PLXNA2: variants seen among roughly 807,000 people sequenced by gnomAD.
PLXNA2 encodes plexin A2.
In PLXNA2, 91 loss-of-function variants were observed where a neutral mutation model predicts 193.5. The observed-to-expected ratio is 0.47, with a 90% CI of 0.40 to 0.56. The LOEUF (loss-of-function observed/expected upper bound fraction) is 0.56. PLXNA2 is among the 20% of genes least tolerant of loss of function. The pLI is 0.00. For missense variants in PLXNA2, 1,995 were observed against 2,503.2 expected (o/e 0.80, Z 4.33); for synonymous variants, 997 against 1,027.3 (o/e 0.97, Z 0.56).
At chr1:208,215,034 A>G (rs1286602917) in intron 2 of PLXNA2, among the ~76,000 whole-genome samples, 1 of 150,482 alleles carries the variant, frequency 6.6e-6, no homozygotes, top group Non-Finnish European at 1.5e-5. Flanking sequence ...TTTTTCTGAG[A>G]CAGGGTCTCA....
intron 3 of PLXNA2, among the ~76,000 whole-genome samples, chr1:208,166,391 A>C (rs1308252142): frequency 6.6e-6 from 1 of 152,238 alleles, no homozygotes; most frequent in African/African-American, 2.4e-5. Context: ...ATCCCAAAAG[A>C]CAAAAAGACA....
rs1664520213 is a variant in PLXNA2, at chr1:208,032,038, C to T, written c.5056-279G>A. ...AGGCTCAGGGTCTTTGACAGGAAGA[C>T]AGGAAGTGCCCCGGGTCCGGGCTTC... On this transcript the variant is annotated intron_variant, in intron 28 of 31. Transcript: ENST00000367033. 3 of 984,994 alleles carry T rather than the reference C, an allele frequency of 3.0e-6. No homozygotes were observed. In the African/African-American group the frequency reaches 5.3e-5, roughly 17 times the overall value. 61.0% of individuals were successfully genotyped at this position (984,994 alleles called of 1,614,324 possible). A position where few individuals can be genotyped will look rare whatever the true frequency, so the allele number is the denominator to read the frequency against.
intron 3 of PLXNA2, among the ~76,000 whole-genome samples, chr1:208,164,166 G>A (rs1176020967): frequency 6.6e-6 from 1 of 152,204 alleles, no homozygotes; most frequent in African/African-American, 2.4e-5. Flanking sequence ...TTGGTTAGGG[G>A]ACACCTTTAG....
intron 3 of PLXNA2, among the ~76,000 whole-genome samples, chr1:208,171,674 C>T (rs980284535): frequency 1.3e-5 from 2 of 152,036 alleles, no homozygotes; most frequent in African/African-American, 2.4e-5. Context: ...CAGAGTGAGA[C>T]CCTGTTTCTG....
chr1:208,029,938 A>C (rs1283785091), intron 29 of PLXNA2: 5 of 985,304 alleles, frequency 5.1e-6, no homozygotes, highest in Non-Finnish European at 6.0e-6. Flanking sequence ...GTCCTGTCAC[A>C]GGCTTGTCCT....
chr1:208,074,874 G>A (rs893660389), intron 12 of PLXNA2, among the ~76,000 whole-genome samples: 5 of 152,186 alleles, frequency 3.3e-5, no homozygotes, highest in Non-Finnish European at 5.9e-5. Flanking sequence ...CTGCACTAAG[G>A]AGGACACCCA....
chr1:208,057,124 TTAA>T (rs1665455899), intron 13 of PLXNA2, among the ~76,000 whole-genome samples: 1 of 152,196 alleles, frequency 6.6e-6, no homozygotes, highest in Non-Finnish European at 1.5e-5. Context: ...ATTCTAGCCC[TTAA>T]TAATAATAAG....
Position 208,096,719 on chromosome 1 carries a change from A to G in PLXNA2, c.1885+11T>C. The G allele has an allele frequency of 6.2e-7, 1 of 1,613,964 alleles. No individual in the cohort carries two copies. The highest frequency in any genetic ancestry group is 8.5e-7 in the Non-Finnish European group (1 of 1,179,920). ...CCCTCATTTGTGGCTCTCATGGCAG[A>G]TATTTCTTACCTTGATCCAGCGGGA... On this transcript the variant is annotated intron_variant, in intron 7 of 31. Transcript: ENST00000367033.
intron 3 of PLXNA2, among the ~76,000 whole-genome samples, chr1:208,178,322 A>G (rs1175772473): frequency 6.6e-6 from 1 of 152,218 alleles, no homozygotes; most frequent in Non-Finnish European, 1.5e-5. Flanking sequence ...CAGTGTGCAC[A>G]GGGACATTGT....
intron 4 of PLXNA2, among the ~76,000 whole-genome samples, chr1:208,121,208 G>A (rs1043216243): frequency 2.0e-5 from 3 of 152,140 alleles, no homozygotes; most frequent in African/African-American, 7.2e-5. Flanking sequence ...GCTGGGCTCC[G>A]AGACTGCCTT....
chr1:208,058,343 C>T (rs7552683), intron 13 of PLXNA2, among the ~76,000 whole-genome samples: 76,196 of 151,982 alleles, frequency 0.5, 19,826 homozygotes, highest in Non-Finnish European at 0.57. Flanking sequence ...CAGGACTAAG[C>T]GGGGCCCTTT....
chr1:208,038,679 C>T lies in PLXNA2; in HGVS notation c.4660+146G>A, dbSNP rs1040553041. ...CTCCCCAGAGACAGCCACATCTGAACAGGCAGCGCTCAAAGCGGGAAGCAT... is the reference window on the plus strand; with the variant it reads ...CTCCCCAGAGACAGCCACATCTGAATAGGCAGCGCTCAAAGCGGGAAGCAT... On this transcript the variant is annotated intron_variant, in intron 25 of 31. Coordinates refer to ENST00000367033, the MANE Select transcript of PLXNA2 (RefSeq NM_025179.4). The surrounding 1 kb of genome is among the most constrained non-coding windows in gnomAD (Gnocchi z 4.1). 1.5e-5 allele frequency: 13 copies of T among 892,492 alleles called. No individual in the cohort carries two copies. Among genetic ancestry groups the T allele is most frequent in the Non-Finnish European group, 8.9e-6 (5 of 563,930 alleles). The allele number at this position is 892,492 out of a possible 1,614,324, so 55.3% of individuals were successfully genotyped here.
chr1:208,190,080 G>A (rs1369968632), intron 3 of PLXNA2, among the ~76,000 whole-genome samples: 1 of 152,162 alleles, frequency 6.6e-6, no homozygotes, highest in Non-Finnish European at 1.5e-5. Flanking sequence ...GGGGCCTCAA[G>A]GATTTTGTTC....
intron 3 of PLXNA2, among the ~76,000 whole-genome samples, chr1:208,192,307 G>GGTGTGTGT (rs35987334): frequency 6.7e-6 from 1 of 149,452 alleles, no homozygotes; most frequent in Non-Finnish European, 1.5e-5. Flanking sequence ...GTTTGGGGAT[G>GGTGTGTGT]GTGTGTGTGT....
chr1:208,124,700 A>AG lies in PLXNA2; in HGVS notation c.1506+17628_1506+17629insC, dbSNP rs1571943651. 2.0e-5 allele frequency among the ~76,000 whole-genome samples: 3 copies of AG among 150,670 alleles called. No homozygotes were observed. In the Admixed American group the frequency reaches 2.0e-4, roughly 10 times the overall value. On this transcript the variant is annotated intron_variant, in intron 4 of 31. Transcript: ENST00000367033. Reference sequence around the variant, plus strand: ...GTCTCAAAAAAAAAAAAAAAAAAAAAAAAGAACCAGAGATACCCTATGTTT... The same window carrying AG: ...GTCTCAAAAAAAAAAAAAAAAAAAAAGAAAGAACCAGAGATACCCTATGTTT...
chr1:208,093,351 C>T (rs1666774669), intron 8 of PLXNA2, among the ~76,000 whole-genome samples: 2 of 152,178 alleles, frequency 1.3e-5, no homozygotes, highest in Admixed American at 6.5e-5. Flanking sequence ...CGGCAGAGTA[C>T]AGGGACAGGA....
intron 3 of PLXNA2, among the ~76,000 whole-genome samples, chr1:208,159,970 T>A (rs1053218877): frequency 5.9e-5 from 9 of 152,044 alleles, no homozygotes. Flanking sequence ...GCTCAGGACA[T>A]GGGGGAGGGA....
At chr1:208,189,905 G>A (rs1670124228) in intron 3 of PLXNA2, among the ~76,000 whole-genome samples, 2 of 152,138 alleles carry the variant, frequency 1.3e-5, no homozygotes, top group African/African-American at 2.4e-5. Context: ...GCAGAGAGAA[G>A]ATCTTTATGA....
At chr1:208,106,624 T>C (rs566363147) in intron 4 of PLXNA2, among the ~76,000 whole-genome samples, 1 of 152,172 alleles carries the variant, frequency 6.6e-6, no homozygotes, top group Non-Finnish European at 1.5e-5. Flanking sequence ...TTGGAAGATT[T>C]AGAGAGGAAA....
Sources: allele counts gnomAD v4.1 joint callset (sites outside exome capture counted in the v4.1 genomes callset), GRCh38; gene constraint gnomAD v4.1.1; non-coding constraint Gnocchi (gnomAD v3.1); transcripts MANE v1.5; gene names NCBI Gene and HGNC (gene_info 2026-07-23, HGNC 2026-07-21).